The following ADAMTS3 variants were observed in gnomAD, a reference collection of about 807,000 sequenced individuals.
ADAMTS3 encodes ADAM metallopeptidase with thrombospondin type 1 motif 3.
A neutral mutation model predicts 129.0 loss-of-function variants in ADAMTS3; 73 were observed. The observed-to-expected ratio is 0.57, with a 90% CI of 0.47 to 0.69. ADAMTS3 has a LOEUF of 0.69. Among genes scored for constraint, ADAMTS3 ranks in the 30% least tolerant of loss-of-function variants. ADAMTS3 has a pLI of 0.00. For missense variants in ADAMTS3, 1,457 were observed against 1,514.5 expected (o/e 0.96, Z 0.63); for synonymous variants, 477 against 510.8 (o/e 0.93, Z 0.89).
chr4:72,303,960 C>T lies in ADAMTS3; in HGVS notation c.2381G>A (p.Ser794Asn). The T allele has an allele frequency of 6.2e-7, 1 of 1,613,624 alleles. No individual in the cohort carries two copies. Among genetic ancestry groups the T allele is most frequent in the Non-Finnish European group, 8.5e-7 (1 of 1,179,696 alleles). ...ATGTAAAGGTCCATCGGTGTGAAGA[C>T]TTTCAATGTCATCTTCAATGTTATA... Reference protein sequence around the residue: ...WDYNIEDDIESLHTDGPLHDP... With the variant: ...WDYNIEDDIENLHTDGPLHDP... The change falls in exon 17 of 22, where the codon AGT becomes AAT. Residue 794 changes from serine (S) to asparagine (N), a missense_variant. Coordinates refer to ENST00000286657, the MANE Select transcript of ADAMTS3 (RefSeq NM_014243.3).
chr4:72,316,927 C>T (rs1412981006), intron 10 of ADAMTS3, among the ~76,000 whole-genome samples: 1 of 152,030 alleles, frequency 6.6e-6, no homozygotes, highest in African/African-American at 2.4e-5. Flanking sequence ...AAGACAGCAA[C>T]AGCACAAGAC....
chr4:72,542,265 T>C (rs1721351688), intron 3 of ADAMTS3, among the ~76,000 whole-genome samples: 1 of 152,126 alleles, frequency 6.6e-6, no homozygotes, highest in Admixed American at 6.6e-5. Flanking sequence ...CCCAGGTTTA[T>C]GCCATTCTCC....
chr4:72,327,817 A>G (rs922177893), intron 5 of ADAMTS3, among the ~76,000 whole-genome samples: 1 of 152,210 alleles, frequency 6.6e-6, no homozygotes, highest in Non-Finnish European at 1.5e-5. Flanking sequence ...TAAAATTTGC[A>G]GCTTCTTTTC....
intron 3 of ADAMTS3, among the ~76,000 whole-genome samples, chr4:72,542,653 A>T (rs1472886806): frequency 6.6e-6 from 1 of 152,222 alleles, no homozygotes; most frequent in Non-Finnish European, 1.5e-5. Flanking sequence ...AAATGAGGAA[A>T]GAGACACTTG....
chr4:72,471,389 A>T (rs766440861), intron 3 of ADAMTS3, among the ~76,000 whole-genome samples: 7 of 152,160 alleles, frequency 4.6e-5, no homozygotes, highest in Admixed American at 2.0e-4. Context: ...TGCAACATAG[A>T]TTTTAATATA....
intron 4 of ADAMTS3, among the ~76,000 whole-genome samples, chr4:72,360,072 A>G (rs1324575807): frequency 6.6e-6 from 1 of 152,106 alleles, no homozygotes; most frequent in Non-Finnish European, 1.5e-5. Context: ...GGATGATGAT[A>G]GTTCTCATTT....
At chr4:72,522,131 G>C (rs755193182) in intron 3 of ADAMTS3, among the ~76,000 whole-genome samples, 1 of 152,100 alleles carries the variant, frequency 6.6e-6, no homozygotes, top group Non-Finnish European at 1.5e-5. Flanking sequence ...GCCCAAGGGA[G>C]GGACATTTCA....
At chr4:72,334,593 CA>C (rs1487895984) in intron 5 of ADAMTS3, among the ~76,000 whole-genome samples, 2 of 152,062 alleles carry the variant, frequency 1.3e-5, no homozygotes, top group Non-Finnish European at 2.9e-5. Flanking sequence ...CCAAGAGGGT[CA>C]ACAATTTTTA....
chr4:72,524,266 G>C (rs546642695), intron 3 of ADAMTS3, among the ~76,000 whole-genome samples: 2 of 151,968 alleles, frequency 1.3e-5, no homozygotes, highest in Non-Finnish European at 2.9e-5. Context: ...AAGGTAGGAA[G>C]GTATGCAAGT....
Position 72,283,159 on chromosome 4 carries a change from T to C in ADAMTS3, c.3595A>G (p.Arg1199Gly), listed in dbSNP as rs900467840. ...GKIIDNRRPTRSSTLER is the reference protein window; with the variant it reads ...GKIIDNRRPTGSSTLER Reference sequence around the variant, plus strand: ...TCTCATCTTTCTAAGGTGGATGATCTTGTCGGACGTCTGTTGTCAATGATC... The same window carrying C: ...TCTCATCTTTCTAAGGTGGATGATCCTGTCGGACGTCTGTTGTCAATGATC... The change falls in exon 22 of 22, where the codon AGA (arginine) becomes GGA (glycine). Residue 1199 changes from arginine to glycine, a missense_variant. Physicochemically the swap from Arg to Gly is moderately radical, Grantham distance 125. Coordinates refer to ENST00000286657, the MANE Select transcript of ADAMTS3 (RefSeq NM_014243.3). The C allele has an allele frequency of 2.5e-6, 4 of 1,609,896 alleles. No individual in the cohort carries two copies. In the South Asian group the frequency reaches 3.3e-5, roughly 13 times the overall value.
intron 3 of ADAMTS3, among the ~76,000 whole-genome samples, chr4:72,541,989 T>C (rs1721343253): frequency 6.6e-6 from 1 of 152,214 alleles, no homozygotes; most frequent in South Asian, 2.1e-4. Context: ...TAACTTTTAA[T>C]TAGAAAGTAT....
intron 12 of ADAMTS3, 39 bp downstream of exon 12, chr4:72,313,638 T>G (rs1298442225): frequency 6.2e-7 from 1 of 1,602,356 alleles, no homozygotes; most frequent in Admixed American, 1.7e-5. Context: ...TATTTTCTGG[T>G]CTCTCCAAAA....
At chr4:72,295,218 G>T (rs1718774923) in intron 19 of ADAMTS3, among the ~76,000 whole-genome samples, 1 of 151,992 alleles carries the variant, frequency 6.6e-6, no homozygotes. Flanking sequence ...TGAATATTGC[G>T]ATCAGTAAAA....
intron 4 of ADAMTS3, among the ~76,000 whole-genome samples, chr4:72,386,849 A>G (rs1721460926): frequency 6.6e-6 from 1 of 152,238 alleles, no homozygotes; most frequent in Admixed American, 6.5e-5. Flanking sequence ...TTAAGGGTTC[A>G]TAAGAAAGTA....
At chr4:72,481,596 A>C (rs2110006451) in intron 3 of ADAMTS3, among the ~76,000 whole-genome samples, 1 of 152,268 alleles carries the variant, frequency 6.6e-6, no homozygotes, top group Non-Finnish European at 1.5e-5. Flanking sequence ...TAAGACTTTT[A>C]GAAAAAAACA....
chr4:72,281,630 T>G lies in ADAMTS3; in HGVS notation c.*1506A>C, dbSNP rs1718345614. On this transcript the variant is annotated 3_prime_UTR_variant, in exon 22 of 22. Coordinates refer to ENST00000286657, the MANE Select transcript of ADAMTS3 (RefSeq NM_014243.3). ...AAGTCATCAACTTAATATCAACTACTAAAAATGCAAGATGTTTGCATAACA... is the reference window on the plus strand; with the variant it reads ...AAGTCATCAACTTAATATCAACTACGAAAAATGCAAGATGTTTGCATAACA... 2.0e-5 allele frequency: 3 copies of G among 152,202 alleles called. No individual in the cohort carries two copies. The highest frequency in any genetic ancestry group is 2.1e-4 in the South Asian group (1 of 4,838). The allele number at this position is 152,202 out of a possible 1,614,324, so 9.4% of individuals were successfully genotyped here.
chr4:72,460,589 GC>G (rs1321715646), intron 3 of ADAMTS3, among the ~76,000 whole-genome samples: 1 of 151,006 alleles, frequency 6.6e-6, no homozygotes, highest in Non-Finnish European at 1.5e-5. Context: ...TCATAAATAT[GC>G]TAACAATTAC....
chr4:72,309,200 C>T (rs1313413704), intron 15 of ADAMTS3, among the ~76,000 whole-genome samples, 197 bp downstream of exon 15: 4 of 149,852 alleles, frequency 2.7e-5, no homozygotes, highest in Admixed American at 6.7e-5. Flanking sequence ...TCATCATTGA[C>T]GCTAGGGAGT....
intron 3 of ADAMTS3, among the ~76,000 whole-genome samples, chr4:72,519,317 T>C (rs1436989363): frequency 6.6e-6 from 1 of 152,224 alleles, no homozygotes; most frequent in Admixed American, 6.5e-5. Context: ...TTATGTGTCT[T>C]GGAGTTGCTC....
Sources: gnomAD v4.1 joint callset for allele counts (sites outside exome capture counted in the v4.1 genomes callset) on GRCh38, gnomAD v4.1.1 for gene constraint, MANE v1.5 for transcripts, NCBI Gene and HGNC (gene_info 2026-07-23, HGNC 2026-07-21) for gene names.